The following CDH13 variants were observed in gnomAD, a reference collection of about 807,000 sequenced individuals.
CDH13 encodes cadherin-13.
CDH13 carries 24 observed loss-of-function variants against 63.8 expected under a neutral mutation model. The ratio of observed to expected loss-of-function variants is 0.38; its 90% CI spans 0.27 to 0.53. The LOEUF is 0.53. CDH13 is among the 20% of genes least tolerant of loss of function. CDH13 has a pLI of 0.85. For synonymous variants in CDH13, 503 were observed against 355.3 expected (o/e 1.42, Z -4.67); for missense variants, 1,049 against 903.1 (o/e 1.16, Z -2.07).
rs538509304 is a variant in CDH13 at position 83,780,285 on chromosome 16, C to T, written c.1915+84C>T. 1.8e-4 allele frequency: 152 copies of T among 860,890 alleles called. No individual in the cohort carries two copies. The African/African-American group carries it at 2.3e-3, about 13-fold the overall frequency. The allele number at this position is 860,890 out of a possible 1,614,324, so 53.3% of individuals were successfully genotyped here. A position where few individuals can be genotyped will look rare whatever the true frequency, so the allele number is the denominator to read the frequency against. On this transcript the variant is annotated intron_variant, in intron 12 of 13. Transcript: ENST00000567109. ...CCCAAAATGCTGTTTCTCTACTGTT[C>T]TCTCAAGTATTCTCATTTGGTTCAT...
In CDH13 at chr16:83,048,344, G is replaced by T. The variant is rs78325083; in HGVS notation, c.366+16126G>T. On this transcript the variant is annotated intron_variant, in intron 3 of 13. Coordinates refer to ENST00000567109, the MANE Select transcript of CDH13 (RefSeq NM_001257.5). ...TATGAAGCCCAATAGATGGGCAAAAGAATTTCTGAAACACAGGATGGGGGT... is the reference window on the plus strand; with the variant it reads ...TATGAAGCCCAATAGATGGGCAAAATAATTTCTGAAACACAGGATGGGGGT... 8.4e-3 allele frequency among the ~76,000 whole-genome samples: 1,282 copies of T among 152,262 alleles called. 14 individuals carry two copies. The highest frequency in any genetic ancestry group is 0.029 in the African/African-American group (1,216 of 41,564).
In CDH13 at chr16:82,781,247, A is replaced by C. The variant is rs74028292; in HGVS notation, c.46-77115A>C. Among the ~76,000 whole-genome samples, 566 of 152,320 alleles carry C rather than the reference A, an allele frequency of 3.7e-3. 3 individuals are homozygous for C. Among genetic ancestry groups the C allele is most frequent in the African/African-American group, 0.013 (544 of 41,570 alleles). ...AGTTGCCACAGGGAAACATTATACC[A>C]ATTGGCCTATAGCTTGAAATTACAG... On this transcript the variant is annotated intron_variant, in intron 1 of 13. Transcript: ENST00000567109.
chr16:83,403,838 G>T (rs1224401552), intron 6 of CDH13, among the ~76,000 whole-genome samples: 1 of 152,036 alleles, frequency 6.6e-6, no homozygotes, highest in Non-Finnish European at 1.5e-5. Flanking sequence ...ATTCTATCAT[G>T]ACTTTAATAT....
At chr16:83,581,717 A>G (rs12447255) in intron 7 of CDH13, among the ~76,000 whole-genome samples, 61,648 of 151,944 alleles carry the variant, frequency 0.41, 13,115 homozygotes, top group Middle Eastern at 0.5. Context: ...TGCTAGGGAG[A>G]CTGAGGTGGG....
intron 1 of CDH13, among the ~76,000 whole-genome samples, chr16:82,736,608 G>A (rs1368902254): frequency 1.3e-5 from 2 of 152,142 alleles, no homozygotes; most frequent in African/African-American, 4.8e-5. Context: ...ATTTTGTGAT[G>A]GTATTTTTTT....
At chr16:82,957,648 C>G (rs1433854354) in intron 2 of CDH13, among the ~76,000 whole-genome samples, 1 of 152,190 alleles carries the variant, frequency 6.6e-6, no homozygotes, top group East Asian at 1.9e-4. Context: ...GCTTTGGACT[C>G]AGAAAGGTCT....
At chr16:83,022,710 A>T (rs564214400) in intron 2 of CDH13, among the ~76,000 whole-genome samples, 1 of 152,266 alleles carries the variant, frequency 6.6e-6, no homozygotes, top group Non-Finnish European at 1.5e-5. Flanking sequence ...CCTTGCACAC[A>T]TGTACAAGTG....
chr16:83,419,663 C>T (rs1173051123), intron 6 of CDH13, among the ~76,000 whole-genome samples: 1 of 152,186 alleles, frequency 6.6e-6, no homozygotes, highest in Non-Finnish European at 1.5e-5. Flanking sequence ...GATCAGCTGC[C>T]CAAACCCCGC....
At chr16:83,099,435 T>C (rs2034364786) in intron 3 of CDH13, among the ~76,000 whole-genome samples, 1 of 151,806 alleles carries the variant, frequency 6.6e-6, no homozygotes, top group Non-Finnish European at 1.5e-5. Context: ...GTGATTCTCC[T>C]GCCTCAGCCT....
At chr16:82,776,576 C>G (rs1567522102) in intron 1 of CDH13, among the ~76,000 whole-genome samples, 1 of 152,206 alleles carries the variant, frequency 6.6e-6, no homozygotes, top group Non-Finnish European at 1.5e-5. Context: ...AAATAAGAAT[C>G]TCAGTGCTGT....
At chr16:82,763,746 G>A (rs1195842814) in intron 1 of CDH13, among the ~76,000 whole-genome samples, 1 of 152,104 alleles carries the variant, frequency 6.6e-6, no homozygotes, top group Non-Finnish European at 1.5e-5. Flanking sequence ...CACAGTGTGC[G>A]ATCACAGCTC....
At chr16:83,225,664 C>T (rs1286901741) in intron 5 of CDH13, among the ~76,000 whole-genome samples, 1 of 152,106 alleles carries the variant, frequency 6.6e-6, no homozygotes, top group African/African-American at 2.4e-5. Flanking sequence ...CTTTGTTGCC[C>T]TTAGAATCAT....
chr16:83,134,172 G>A (rs552911570), intron 4 of CDH13, among the ~76,000 whole-genome samples: 1 of 152,090 alleles, frequency 6.6e-6, no homozygotes, highest in Admixed American at 6.5e-5. Context: ...ATTATGTCAG[G>A]TCATATAAGC....
intron 2 of CDH13, among the ~76,000 whole-genome samples, chr16:82,898,908 T>C (rs954071508): frequency 2.6e-5 from 4 of 152,250 alleles, no homozygotes; most frequent in African/African-American, 9.6e-5. Context: ...AAGAGTATGC[T>C]TAACTTCACT....
intron 6 of CDH13, among the ~76,000 whole-genome samples, chr16:83,447,990 C>A (rs2072761964): frequency 6.6e-6 from 1 of 151,960 alleles, no homozygotes; most frequent in African/African-American, 2.4e-5. Flanking sequence ...TTTCAGAAGC[C>A]CCTTTGACTC....
intron 4 of CDH13, among the ~76,000 whole-genome samples, chr16:83,205,018 C>T (rs138425573): frequency 3.9e-5 from 6 of 152,226 alleles, no homozygotes; most frequent in Admixed American, 1.3e-4. Flanking sequence ...AAGAACACTG[C>T]TGTGTGCCCA....
chr16:82,738,877 C>T (rs58997376), intron 1 of CDH13, among the ~76,000 whole-genome samples: 1,590 of 152,322 alleles, frequency 0.01, 27 homozygotes, highest in African/African-American at 0.037. Context: ...TTCTGCTGCA[C>T]CTACAACCCC....
intron 1 of CDH13, among the ~76,000 whole-genome samples, chr16:82,792,606 C>T (rs1342146729): frequency 6.6e-6 from 1 of 152,192 alleles, no homozygotes; most frequent in African/African-American, 2.4e-5. Context: ...TCATATGCCA[C>T]TGCATCCCCA....
At chr16:82,863,067 A>G (rs1431198793) in intron 2 of CDH13, among the ~76,000 whole-genome samples, 2 of 152,332 alleles carry the variant, frequency 1.3e-5, no homozygotes, top group Admixed American at 1.3e-4. Context: ...GAGTCTGGCA[A>G]ACGTAGAAGA....
Sources: gnomAD v4.1 joint callset for allele counts (sites outside exome capture counted in the v4.1 genomes callset) on GRCh38, gnomAD v4.1.1 for gene constraint, MANE v1.5 for transcripts, NCBI Gene and HGNC (gene_info 2026-07-23, HGNC 2026-07-21) for gene names.